HIC2: variants seen among roughly 807,000 people sequenced by gnomAD.
The protein encoded by HIC2 is hypermethylated in cancer 2 protein.
Under a neutral mutation model 39.5 loss-of-function variants are expected in HIC2, and 2 were observed. The observed-to-expected ratio is 0.05, with a 90% CI of 0.02 to 0.16. HIC2 has a LOEUF of 0.16. HIC2 is among the 10% of genes least tolerant of loss of function. The pLI is 1.00. For missense variants in HIC2, 713 were observed against 863.5 expected (o/e 0.83, Z 2.18); for synonymous variants, 399 against 368.8 (o/e 1.08, Z -0.94).
rs1601335160 is a variant in HIC2 at position 21,445,762 on chromosome 22, T to G, written c.867T>G (p.Val289=). 6.2e-7 allele frequency: 1 copy of G among 1,608,826 alleles called. No homozygotes were observed. Residue 289 remains valine (V), a synonymous_variant, in exon 3 of 3, where the codon GTT becomes GTG. Transcript: ENST00000407464. ...GSPPAASAPP[V]ANSASYSELG... ...CCCCTGCGGCCTCTGCTCCTCCCGT[T>G]GCCAACAGTGCCTCTTATTCTGAGC...
intron 2 of HIC2, 108 bp from the exon 3 acceptor site, chr22:21,444,814 G>T (rs964285561): frequency 8.0e-7 from 1 of 1,251,988 alleles, no homozygotes. Flanking sequence ...CCTGCCCTAT[G>T]TGGGGTCAGT....
rs1923912748 is a variant in HIC2 at position 21,447,350 on chromosome 22, T to C, written c.*607T>C. The C allele has an allele frequency of 6.5e-6, 1 of 152,978 alleles. No homozygotes were observed. Among genetic ancestry groups the C allele is most frequent in the Non-Finnish European group, 1.5e-5 (1 of 68,176 alleles). The allele number at this position is 152,978 out of a possible 1,614,324, so 9.5% of individuals were successfully genotyped here. A position where few individuals can be genotyped will look rare whatever the true frequency, so the allele number is the denominator to read the frequency against. The stretch of plus-strand genomic sequence containing the variant: ...GCTGTTATTCCTACTGATCTGTTCC[T>C]CTGTTTTTCTTTTTGATTTTTGTTT... On this transcript the variant is annotated 3_prime_UTR_variant, in exon 3 of 3. Transcript: ENST00000407464.
At position 21,445,887 on chromosome 22, in the gene HIC2, G is replaced by T. The variant is rs778156610; in HGVS notation, c.992G>T (p.Arg331Leu). ...APGGQPRKSL[R>L]HSTRKKEWGK... ...GGTGGGCAGCCTCGGAAGAGCCTCC[G>T]GCACTCCACTCGGAAGAAGGAGTGG... Residue 331 changes from arginine (R) to leucine (L), a missense_variant, in exon 3 of 3, where the codon CGG (arginine) becomes CTG (leucine). Arg to Leu is a moderately radical substitution (Grantham distance 102). Around this residue, in one of 5 missense-constraint regions of HIC2, gnomAD observed 457 missense variants for 420.2 expected, o/e 1.09. Coordinates refer to ENST00000407464, the MANE Select transcript of HIC2 (RefSeq NM_015094.3). 1 of 1,601,108 alleles carries T rather than the reference G, an allele frequency of 6.2e-7. No homozygotes were observed.
chr22:21,450,291 A>G lies in HIC2; in HGVS notation c.*3548A>G, dbSNP rs1388569376. The G allele has an allele frequency of 1.3e-5, 2 of 152,748 alleles. No individual in the cohort carries two copies. Among genetic ancestry groups the G allele is most frequent in the African/African-American group, 2.4e-5 (1 of 41,430 alleles). 9.5% of individuals were successfully genotyped at this position (152,748 alleles called of 1,614,324 possible). A position where few individuals can be genotyped will look rare whatever the true frequency, so the allele number is the denominator to read the frequency against. On this transcript the variant is annotated 3_prime_UTR_variant, in exon 3 of 3. Coordinates refer to ENST00000407464, the MANE Select transcript of HIC2 (RefSeq NM_015094.3). ...AATAAGAATCTCAGAGACTCGCAGC[A>G]TAGCCATACACCTCAGCCTGTGAAA...
chr22:21,424,537 TAGC>T (rs1923170418), intron 1 of HIC2, among the ~76,000 whole-genome samples: 1 of 101,880 alleles, frequency 9.8e-6, no homozygotes, highest in Non-Finnish European at 1.9e-5. Flanking sequence ...TGGCTCTTAG[TAGC>T]AGGCCTCTGG....
intron 1 of HIC2, among the ~76,000 whole-genome samples, chr22:21,432,019 T>TC (rs1393220672): frequency 1.4e-5 from 2 of 144,882 alleles, no homozygotes; most frequent in East Asian, 4.9e-4. Flanking sequence ...AACTTTTTTT[T>TC]TTTTTTTTCT....
At chr22:21,443,497 TGGG>T (rs1331411437) in intron 2 of HIC2, among the ~76,000 whole-genome samples, 1 of 152,012 alleles carries the variant, frequency 6.6e-6, no homozygotes, top group Non-Finnish European at 1.5e-5. Flanking sequence ...CTGGACACTC[TGGG>T]AGGGGCAGTA....
Position 21,445,022 on chromosome 22 carries a change from G to C in HIC2, c.127G>C (p.Gly43Arg). The C allele has an allele frequency of 6.2e-7, 1 of 1,614,112 alleles. No homozygotes were observed. Among genetic ancestry groups the C allele is most frequent in the Non-Finnish European group, 8.5e-7 (1 of 1,180,028 alleles). ...LLQLNQQRTK[G>R]FLCDVIIMVE... The stretch of plus-strand genomic sequence containing the variant: ...GCAGCTGAACCAGCAGAGGACCAAG[G>C]GCTTCCTGTGTGACGTCATCATCAT... Residue 43 changes from glycine to arginine, a missense_variant, in exon 3 of 3, where the codon GGC becomes CGC. By Grantham distance (125) the Gly-to-Arg change is moderately radical (BLOSUM62 -2). Coordinates refer to ENST00000407464, the MANE Select transcript of HIC2 (RefSeq NM_015094.3).
At position 21,446,885 on chromosome 22, in the gene HIC2, C is replaced by T. The variant is rs1923874750; in HGVS notation, c.*142C>T. 2 of 1,163,356 alleles carry T rather than the reference C, an allele frequency of 1.7e-6. No individual in the cohort carries two copies. The highest frequency in any genetic ancestry group is 5.7e-5 in the Admixed American group (2 of 35,308). The allele number at this position is 1,163,356 out of a possible 1,614,324, so 72.1% of individuals were successfully genotyped here. A position where few individuals can be genotyped will look rare whatever the true frequency, so the allele number is the denominator to read the frequency against. On this transcript the variant is annotated 3_prime_UTR_variant, in exon 3 of 3. Coordinates refer to ENST00000407464, the MANE Select transcript of HIC2 (RefSeq NM_015094.3). Reference sequence around the variant, plus strand: ...GCCCCTCTGGCCCCCACTGCCCACACCCAGAGCTTTAATGGACAGTCCGTA... The same window carrying T: ...GCCCCTCTGGCCCCCACTGCCCACATCCAGAGCTTTAATGGACAGTCCGTA...
chr22:21,417,395 C>T lies in HIC2; in HGVS notation c.-239C>T, dbSNP rs1430409170. ...CACAAGCTTCCAAGATGGCGCTGGG[C>T]GGGCGGCTGTGAGCGGCGCTCGGGG... On this transcript the variant is annotated 5_prime_UTR_variant, in exon 1 of 3. Transcript: ENST00000407464. 1 of 147,918 alleles carries T rather than the reference C, an allele frequency of 6.8e-6. No individual in the cohort carries two copies. Among genetic ancestry groups the T allele is most frequent in the Non-Finnish European group, 1.5e-5 (1 of 66,212 alleles). 9.2% of individuals were successfully genotyped at this position (147,918 alleles called of 1,614,324 possible).
rs1375629891 is a variant in HIC2, at chr22:21,447,777, CGTGCGTGTGT to C, written c.*1038_*1047del. 3 of 143,814 alleles carry C rather than the reference CGTGCGTGTGT, an allele frequency of 2.1e-5. No individual in the cohort carries two copies. Among genetic ancestry groups the C allele is most frequent in the African/African-American group, 7.5e-5 (3 of 39,778 alleles). 8.9% of individuals were successfully genotyped at this position (143,814 alleles called of 1,614,324 possible). ...GTACTCTTGTTTTCATTTGTGTGTG[CGTGCGTGTGT>C]GTGTGTGTATGTGCGTATGTGTGTG... On this transcript the variant is annotated 3_prime_UTR_variant, in exon 3 of 3. Transcript: ENST00000407464.
intron 2 of HIC2, among the ~76,000 whole-genome samples, chr22:21,444,505 C>A (rs118158332): frequency 0.01 from 1,532 of 152,358 alleles, 13 homozygotes; most frequent in Non-Finnish European, 0.016. Flanking sequence ...GCTCCTCTCA[C>A]GGAGTCCTCT....
chr22:21,449,463 A>G lies in HIC2; in HGVS notation c.*2720A>G, dbSNP rs563443530. The G allele has an allele frequency of 2.0e-5, 3 of 152,906 alleles. No individual in the cohort carries two copies. Among genetic ancestry groups the G allele is most frequent in the Admixed American group, 2.0e-4 (3 of 15,306 alleles). The allele number at this position is 152,906 out of a possible 1,614,324, so 9.5% of individuals were successfully genotyped here. On this transcript the variant is annotated 3_prime_UTR_variant, in exon 3 of 3. Coordinates refer to ENST00000407464, the MANE Select transcript of HIC2 (RefSeq NM_015094.3). ...GCTCATACCCAAATTCACAAAGCCT[A>G]TTTTTTAAACCAAAGCACATTTTGA...
At chr22:21,444,875 C>T (rs781339932) in intron 2 of HIC2, 47 bp from the exon 3 acceptor site, 66 of 1,569,038 alleles carry the variant, frequency 4.2e-5, no homozygotes, top group East Asian at 4.5e-5. Flanking sequence ...AGCCCTGGTC[C>T]GAGTGTGCCA....
Position 21,446,791 on chromosome 22 carries a change from C to T in HIC2, c.*48C>T. ...CTCTGCCACCTTGCTCCCCGGGAAC[C>T]CATGGAAGGAGAAGCGAGGTGATGC... On this transcript the variant is annotated 3_prime_UTR_variant, in exon 3 of 3. Coordinates refer to ENST00000407464, the MANE Select transcript of HIC2 (RefSeq NM_015094.3). 1.3e-6 allele frequency: 2 copies of T among 1,559,640 alleles called. No individual in the cohort carries two copies. The highest frequency in any genetic ancestry group is 1.7e-6 in the Non-Finnish European group (2 of 1,150,952).
Position 21,449,444 on chromosome 22 carries a change from A to G in HIC2, c.*2701A>G, listed in dbSNP as rs1924045755. The G allele has an allele frequency of 6.5e-6, 1 of 152,772 alleles. No homozygotes were observed. Among genetic ancestry groups the G allele is most frequent in the Non-Finnish European group, 1.5e-5 (1 of 68,040 alleles). The allele number at this position is 152,772 out of a possible 1,614,324, so 9.5% of individuals were successfully genotyped here. ...AAAAAAGAAAAAAAAATAAGCTCAT[A>G]CCCAAATTCACAAAGCCTATTTTTT... On this transcript the variant is annotated 3_prime_UTR_variant, in exon 3 of 3. Transcript: ENST00000407464.
Position 21,446,296 on chromosome 22 carries a change from A to G in HIC2, c.1401A>G (p.Glu467=), listed in dbSNP as rs1392199228. The change falls in exon 3 of 3, where the codon GAA becomes GAG. Residue 467 remains glutamate (E), a synonymous_variant. Coordinates refer to ENST00000407464, the MANE Select transcript of HIC2 (RefSeq NM_015094.3). ...CGCACGTGGAGACTCACACGGAGGA[A>G]GAGCTGTTCATCAAGGAAGAGGGGG... ...LNAHVETHTE[E]ELFIKEEGAY... is the part of the protein sequence containing the mutation. The G allele has an allele frequency of 1.2e-6, 2 of 1,613,256 alleles. No homozygotes were observed. The highest frequency in any genetic ancestry group is 1.7e-6 in the Non-Finnish European group (2 of 1,179,976).
rs1177663608 is a variant in HIC2 at position 21,447,502 on chromosome 22, G to A, written c.*759G>A. ...CGTCCCCCGGCTCTGGCGCTGCAGG[G>A]GTGTCGGCGCGCCACCTCTCCAGGC... On this transcript the variant is annotated 3_prime_UTR_variant, in exon 3 of 3. Coordinates refer to ENST00000407464, the MANE Select transcript of HIC2 (RefSeq NM_015094.3). 1 of 152,610 alleles carries A rather than the reference G, an allele frequency of 6.6e-6. No homozygotes were observed. The highest frequency in any genetic ancestry group is 1.5e-5 in the Non-Finnish European group (1 of 68,028). The allele number at this position is 152,610 out of a possible 1,614,324, so 9.5% of individuals were successfully genotyped here. A position where few individuals can be genotyped will look rare whatever the true frequency, so the allele number is the denominator to read the frequency against.
In HIC2 at chr22:21,447,147, T is replaced by G. The variant is rs774850705; in HGVS notation, c.*404T>G. 5.3e-4 allele frequency: 116 copies of G among 220,820 alleles called. No individual in the cohort carries two copies. The highest frequency in any genetic ancestry group is 9.2e-4 in the South Asian group (12 of 13,088). The allele number at this position is 220,820 out of a possible 1,614,324, so 13.7% of individuals were successfully genotyped here. ...ACCCCGCTGGCCGTGTCTGTGTGTG[T>G]GCACGTGTGCTTGTGTCTGTGCGGG... On this transcript the variant is annotated 3_prime_UTR_variant, in exon 3 of 3. Transcript: ENST00000407464.
Sources: gnomAD v4.1 joint callset for allele counts (sites outside exome capture counted in the v4.1 genomes callset) on GRCh38, gnomAD v4.1.1 for gene constraint, gnomAD v4.1.1 regional missense constraint, MANE v1.5 for transcripts, NCBI Gene and HGNC (gene_info 2026-07-23, HGNC 2026-07-21) for gene names.